CDYL2: variants seen among roughly 807,000 people sequenced by gnomAD.
CDYL2 encodes the protein chromodomain Y like 2.
Under a neutral mutation model 49.4 loss-of-function variants are expected in CDYL2, and 23 were observed. The ratio of observed to expected loss-of-function variants is 0.47; its 90% CI spans 0.34 to 0.66. The LOEUF is 0.66. CDYL2 is among the 30% of genes least tolerant of loss of function. The probability of loss-of-function intolerance (pLI) is 0.01; values close to 1 mark genes in which losing one functional copy is unlikely to be tolerated. For missense variants in CDYL2, 678 were observed against 656.4 expected (o/e 1.03, Z -0.36); for synonymous variants, 360 against 268.8 (o/e 1.34, Z -3.32).
chr16:80,632,777 G>T, intron 3 of CDYL2: 1 of 485,096 alleles, frequency 2.1e-6, no homozygotes, highest in South Asian at 2.3e-5. Context: ...GATCAGTTCA[G>T]TGAGTCCCTC....
Position 80,604,372 on chromosome 16 carries a change from C to T in CDYL2, c.*16G>A, listed in dbSNP as rs745597359. 9.3e-6 allele frequency: 15 copies of T among 1,613,544 alleles called. No homozygotes were observed. The highest frequency in any genetic ancestry group is 1.7e-4 in the Middle Eastern group (1 of 6,038). On this transcript the variant is annotated 3_prime_UTR_variant, in exon 7 of 7. Coordinates refer to ENST00000570137, the MANE Select transcript of CDYL2 (RefSeq NM_152342.4). ...AGGGCAGAGCTGGAAGTTGGGGGCC[C>T]GTGAGCTGGGGCCCCTCAGACTTCA... is the stretch of plus-strand genomic sequence containing the variant.
intron 2 of CDYL2, among the ~76,000 whole-genome samples, chr16:80,640,942 G>A (rs1908057889): frequency 6.6e-6 from 1 of 152,174 alleles, no homozygotes; most frequent in South Asian, 2.1e-4. Context: ...AGTGAAGCAT[G>A]CCTACAGGAT....
At chr16:80,637,845 T>C (rs9933028) in intron 2 of CDYL2, among the ~76,000 whole-genome samples, 8,958 of 152,266 alleles carry the variant, frequency 0.059, 801 homozygotes, top group African/African-American at 0.2. Flanking sequence ...TTACACATCC[T>C]ATGCGGGTAT....
chr16:80,775,915 T>C (rs1312202954), intron 1 of CDYL2, among the ~76,000 whole-genome samples: 1 of 151,716 alleles, frequency 6.6e-6, no homozygotes, highest in East Asian at 1.9e-4. Context: ...AGAGGCTTTG[T>C]ATTTTTCTCA....
intron 1 of CDYL2, among the ~76,000 whole-genome samples, chr16:80,764,548 T>C (rs2549735): frequency 3.9e-5 from 6 of 152,122 alleles, no homozygotes; most frequent in East Asian, 1.9e-4. Context: ...TATAATAAAG[T>C]CTATGTTGCT....
intron 3 of CDYL2, among the ~76,000 whole-genome samples, chr16:80,630,233 A>G (rs73592230): frequency 0.056 from 8,508 of 152,272 alleles, 726 homozygotes; most frequent in African/African-American, 0.18. Flanking sequence ...TTCTGTAACC[A>G]ACTGACACTG....
At chr16:80,688,048 G>C (rs545429559) in intron 1 of CDYL2, among the ~76,000 whole-genome samples, 1 of 152,234 alleles carries the variant, frequency 6.6e-6, no homozygotes, top group East Asian at 1.9e-4. Context: ...TGCATAGTTG[G>C]GCTACATGAA....
intron 1 of CDYL2, among the ~76,000 whole-genome samples, chr16:80,727,754 G>A (rs539047274): frequency 1.3e-5 from 2 of 152,216 alleles, no homozygotes; most frequent in African/African-American, 4.8e-5. Flanking sequence ...GGAGATCTGA[G>A]AATGGGCAGA....
chr16:80,606,466 C>T (rs933416835), intron 6 of CDYL2, among the ~76,000 whole-genome samples: 1 of 152,160 alleles, frequency 6.6e-6, no homozygotes, highest in African/African-American at 2.4e-5. Flanking sequence ...TCCCACCCTC[C>T]TTTTCAGTCA....
intron 2 of CDYL2, among the ~76,000 whole-genome samples, chr16:80,659,423 A>G (rs1252016683): frequency 6.6e-6 from 1 of 152,204 alleles, no homozygotes; most frequent in Admixed American, 6.5e-5. Context: ...GGGCTAAAAT[A>G]AAAGTATTGC....
chr16:80,767,108 A>T (rs1316843453), intron 1 of CDYL2, among the ~76,000 whole-genome samples: 2 of 152,012 alleles, frequency 1.3e-5, no homozygotes, highest in Non-Finnish European at 2.9e-5. Context: ...CACACACCAC[A>T]CTGCCTCTCA....
chr16:80,664,216 T>C (rs548558554), intron 2 of CDYL2, among the ~76,000 whole-genome samples: 9 of 152,276 alleles, frequency 5.9e-5, no homozygotes, highest in African/African-American at 2.2e-4. Context: ...CATAAACACC[T>C]TAACTTCCAG....
intron 2 of CDYL2, among the ~76,000 whole-genome samples, chr16:80,655,729 C>A (rs1908778582): frequency 6.6e-6 from 1 of 152,162 alleles, no homozygotes. Context: ...TCAGAGCCTC[C>A]TTGAGTACTG....
chr16:80,801,254 T>TA (rs1366218182), intron 1 of CDYL2, among the ~76,000 whole-genome samples: 1 of 152,250 alleles, frequency 6.6e-6, no homozygotes, highest in Admixed American at 6.5e-5. Flanking sequence ...AGAACTCCAC[T>TA]ACAGGAGAAA....
chr16:80,601,031 C>G lies in CDYL2; in HGVS notation c.*3357G>C, dbSNP rs1010128171. On this transcript the variant is annotated 3_prime_UTR_variant, in exon 7 of 7. Coordinates refer to ENST00000570137, the MANE Select transcript of CDYL2 (RefSeq NM_152342.4). ...AATGATATTTTAAATCAATTCTCTA[C>G]TACTTTCTCATAGCTATCCAATGTC... 7.9e-5 allele frequency: 12 copies of G among 152,366 alleles called. No homozygotes were observed. Among genetic ancestry groups the G allele is most frequent in the Admixed American group, 5.2e-4 (8 of 15,306 alleles). 9.4% of individuals were successfully genotyped at this position (152,366 alleles called of 1,614,324 possible).
chr16:80,690,589 C>T (rs1910376520), intron 1 of CDYL2, among the ~76,000 whole-genome samples: 1 of 152,186 alleles, frequency 6.6e-6, no homozygotes, highest in African/African-American at 2.4e-5. Context: ...TGGTCTAATG[C>T]ATCTTGGCTC....
chr16:80,803,373 G>A (rs1365332542), intron 1 of CDYL2, among the ~76,000 whole-genome samples: 1 of 152,140 alleles, frequency 6.6e-6, no homozygotes, highest in Non-Finnish European at 1.5e-5. Flanking sequence ...TGGCATCTGT[G>A]TCCTATGTCC....
intron 1 of CDYL2, among the ~76,000 whole-genome samples, chr16:80,719,824 G>A (rs1904938497): frequency 6.6e-6 from 1 of 152,204 alleles, no homozygotes; most frequent in African/African-American, 2.4e-5. Flanking sequence ...CAGGGATGAT[G>A]ACAACAGAAT....
At chr16:80,796,180 G>C (rs1907764163) in intron 1 of CDYL2, among the ~76,000 whole-genome samples, 1 of 152,236 alleles carries the variant, frequency 6.6e-6, no homozygotes, top group South Asian at 2.1e-4. Context: ...CCAGGCTAAA[G>C]CTGCTGTCCA....
Sources: allele counts gnomAD v4.1 joint callset (sites outside exome capture counted in the v4.1 genomes callset), GRCh38; gene constraint gnomAD v4.1.1; transcripts MANE v1.5; gene names NCBI Gene and HGNC (gene_info 2026-07-23, HGNC 2026-07-21).